FBN1: variants seen among roughly 807,000 people sequenced by gnomAD.
FBN1 encodes the protein fibrillin 1.
Under a neutral mutation model 365.1 loss-of-function variants are expected in FBN1, and 29 were observed. The ratio of observed to expected loss-of-function variants is 0.08; its 90% CI spans 0.06 to 0.11. The LOEUF is 0.11. Among genes scored for constraint, FBN1 ranks in the 10% least tolerant of loss-of-function variants. The pLI, the probability that FBN1 is intolerant of heterozygous loss-of-function variation, is 1.00. For synonymous variants in FBN1, 1,210 were observed against 1,270.5 expected (o/e 0.95, Z 1.01); for missense variants, 2,476 against 3,703.2 (o/e 0.67, Z 8.60).
chr15:48,430,928 A>T (rs2141232872), intron 55 of FBN1, 126 bp from the exon 56 acceptor site: 4 of 860,602 alleles, frequency 4.6e-6, no homozygotes, highest in Non-Finnish European at 5.6e-6. Context: ...TACTGGCTGT[A>T]TTTCCTTCTG....
chr15:48,447,794 T>C (rs751544515), intron 46 of FBN1, among the ~76,000 whole-genome samples: 2 of 152,184 alleles, frequency 1.3e-5, no homozygotes, highest in Non-Finnish European at 2.9e-5. Context: ...CAGGAAGCTA[T>C]TGCTAACCCA....
At chr15:48,596,155 C>T (rs565981411) in intron 6 of FBN1, 128 bp downstream of exon 6, 1 of 843,770 alleles carries the variant, frequency 1.2e-6, no homozygotes, top group East Asian at 2.6e-5. Context: ...TTCCCAATGA[C>T]AAATGAGAAA....
chr15:48,615,477 A>G (rs1198393886), intron 2 of FBN1, among the ~76,000 whole-genome samples: 1 of 152,220 alleles, frequency 6.6e-6, no homozygotes, highest in Non-Finnish European at 1.5e-5. Context: ...GCATGGTAAT[A>G]TAAACATTCT....
rs1555394567 is a variant in FBN1 at position 48,427,659 on chromosome 15, C to T, written c.7112G>A (p.Trp2371Ter). ...SECCCDGGRG[W>*]GPHCEICPFQ... ...AGGGCAGATCTCACAGTGGGGACCC[C>T]AGCCTCTCCCTCCGTCACAGCAGCA... Residue 2371 changes from tryptophan (W) to a stop codon, truncating the protein, a stop_gained, in exon 58 of 66, where the codon TGG (tryptophan) becomes TAG (stop). Coordinates refer to ENST00000316623, the MANE Select transcript of FBN1 (RefSeq NM_000138.5). LOFTEE classifies it high-confidence loss of function. The T allele has an allele frequency of 6.2e-7, 1 of 1,614,164 alleles. No homozygotes were observed.
chr15:48,556,351 C>T (rs920987094), intron 6 of FBN1, among the ~76,000 whole-genome samples: 2 of 152,132 alleles, frequency 1.3e-5, no homozygotes, highest in African/African-American at 2.4e-5. Flanking sequence ...ATGGCAGATT[C>T]GAAATCCAGC....
At chr15:48,545,850 C>T (rs1008555276) in intron 6 of FBN1, among the ~76,000 whole-genome samples, 5 of 152,006 alleles carry the variant, frequency 3.3e-5, no homozygotes, top group African/African-American at 1.2e-4. Context: ...AGCAAAACCC[C>T]ATCTTTACAA....
At chr15:48,427,243 C>T (rs373656166) in intron 58 of FBN1, among the ~76,000 whole-genome samples, 1 of 152,184 alleles carries the variant, frequency 6.6e-6, no homozygotes, top group Admixed American at 6.5e-5. Context: ...ATTTAATAAT[C>T]ATTTATTTCA....
chr15:48,503,564 G>C (rs933684914), intron 17 of FBN1, among the ~76,000 whole-genome samples: 2 of 152,220 alleles, frequency 1.3e-5, no homozygotes, highest in Non-Finnish European at 2.9e-5. Flanking sequence ...TGAGGTAGGA[G>C]AGTTTATACG....
intron 2 of FBN1, among the ~76,000 whole-genome samples, chr15:48,631,647 G>A (rs951093579): frequency 6.6e-6 from 1 of 152,148 alleles, no homozygotes; most frequent in African/African-American, 2.4e-5. Flanking sequence ...GGGCAGTGCT[G>A]GAGTTCTCCG....
intron 42 of FBN1, among the ~76,000 whole-genome samples, chr15:48,461,057 C>T (rs78639573): frequency 7.9e-5 from 12 of 152,260 alleles, no homozygotes; most frequent in East Asian, 1.9e-4. Flanking sequence ...TTATTGGTCA[C>T]GCTCAGTGAA....
chr15:48,602,135 C>T lies in FBN1; in HGVS notation c.347-1901G>A, dbSNP rs867676054. ...GTCTCCTTGCCCCTAACTCCTAAAC[C>T]CCAACACAACACACACACAGTTCTC... On this transcript the variant is annotated intron_variant, in intron 4 of 65. Transcript: ENST00000316623. Among the ~76,000 whole-genome samples, 10 of 152,088 alleles carry T rather than the reference C, an allele frequency of 6.6e-5. No individual in the cohort carries two copies. The East Asian group carries it at 9.6e-4, about 15-fold the overall frequency.
At chr15:48,469,578 G>T (rs750324020) in intron 36 of FBN1, among the ~76,000 whole-genome samples, 4 of 152,134 alleles carry the variant, frequency 2.6e-5, no homozygotes. Context: ...AGGAGGGACT[G>T]GAGAAGAGGG....
At chr15:48,455,561 C>T (rs1232567272) in intron 44 of FBN1, among the ~76,000 whole-genome samples, 1 of 152,156 alleles carries the variant, frequency 6.6e-6, no homozygotes, top group Non-Finnish European at 1.5e-5. Context: ...CCGTGGGTTC[C>T]CTCTCCCACA....
chr15:48,549,765 AC>A (rs2044126846), intron 6 of FBN1, among the ~76,000 whole-genome samples: 1 of 152,032 alleles, frequency 6.6e-6, no homozygotes, highest in African/African-American at 2.4e-5. Flanking sequence ...ACTCTGATTT[AC>A]TAGAGTTTTA....
intron 53 of FBN1, among the ~76,000 whole-genome samples, chr15:48,435,778 G>GTATATATATGTGTATA (rs1299471206): frequency 1.4e-5 from 2 of 141,322 alleles, no homozygotes; most frequent in African/African-American, 5.4e-5. Flanking sequence ...GTATATGTGT[G>GTATATATATGTGTATA]TGTGTGTGTG....
chr15:48,485,578 C>T (rs1230107777), intron 29 of FBN1, 82 bp from the exon 30 acceptor site: 8 of 1,461,320 alleles, frequency 5.5e-6, no homozygotes, highest in Non-Finnish European at 9.5e-7. Context: ...AATTTAACTG[C>T]CATTGTAACA....
chr15:48,562,963 T>G (rs2044234853), intron 6 of FBN1, among the ~76,000 whole-genome samples: 1 of 152,214 alleles, frequency 6.6e-6, no homozygotes, highest in South Asian at 2.1e-4. Context: ...TTTATCTATT[T>G]GTAAAGTCCT....
chr15:48,453,085 C>T (rs1274883279), intron 44 of FBN1, among the ~76,000 whole-genome samples: 4 of 151,848 alleles, frequency 2.6e-5, no homozygotes, highest in South Asian at 2.1e-4. Flanking sequence ...GGTGAAACCC[C>T]GTCTCTACTA....
chr15:48,527,530 G>T (rs79031242), intron 8 of FBN1, among the ~76,000 whole-genome samples: 101 of 152,302 alleles, frequency 6.6e-4, no homozygotes, highest in African/African-American at 2.3e-3. Context: ...GGCTGACACC[G>T]TTAAAACTGG....
Sources: allele counts gnomAD v4.1 joint callset (sites outside exome capture counted in the v4.1 genomes callset), GRCh38; gene constraint gnomAD v4.1.1; transcripts MANE v1.5; gene names NCBI Gene and HGNC (gene_info 2026-07-23, HGNC 2026-07-21).